Variants in FCRL5 observed in about 807,000 individuals in gnomAD.
The protein encoded by FCRL5 is Fc receptor like 5, also known as Fc receptor-like protein 5.
A neutral mutation model predicts 92.1 loss-of-function variants in FCRL5; 79 were observed. The ratio of observed to expected loss-of-function variants is 0.86; its 90% CI spans 0.72 to 1.03. The LOEUF is 1.03. Ranked by LOEUF, FCRL5 falls within the 50% of genes least tolerant of loss-of-function variation. FCRL5 has a pLI of 0.00. For synonymous variants in FCRL5, 466 were observed against 469.3 expected (o/e 0.99, Z 0.09); for missense variants, 1,160 against 1,181.1 (o/e 0.98, Z 0.26).
chr1:157,534,386 A>C (rs1478429578), intron 8 of FCRL5: 9 of 718,998 alleles, frequency 1.3e-5, no homozygotes, highest in Admixed American at 2.0e-5. Context: ...AAATACAATA[A>C]ATAAATTCAT....
chr1:157,521,115 T>C lies in FCRL5; in HGVS notation c.2417A>G (p.Asn806Ser). The change falls in exon 11 of 17, where the codon AAC becomes AGC. Residue 806 changes from asparagine (N) to serine (S), a missense_variant. Coordinates refer to ENST00000361835, the MANE Select transcript of FCRL5 (RefSeq NM_031281.3). ...AGAGTGCTCTGCAGTCAGAGAGAGG[T>C]TTAAGGACGCTCCTCCAGAGGGGGA... ...RSSPSGGASLNLSLTAEHSGN... is the reference protein window; with the variant it reads ...RSSPSGGASLSLSLTAEHSGN... 1 of 1,613,690 alleles carries C rather than the reference T, an allele frequency of 6.2e-7. No individual in the cohort carries two copies. The highest frequency in any genetic ancestry group is 8.5e-7 in the Non-Finnish European group (1 of 1,179,938).
rs553117255 is a variant in FCRL5, at chr1:157,537,625, C to A, written c.1402+1461G>T. Among the ~76,000 whole-genome samples, 1,038 of 152,262 alleles carry A rather than the reference C, an allele frequency of 6.8e-3. 11 individuals are homozygous for A. The highest frequency in any genetic ancestry group is 0.024 in the African/African-American group (998 of 41,540). On this transcript the variant is annotated intron_variant, in intron 7 of 16. Transcript: ENST00000361835. ...CCACACCCTATTAGTACACTCCCTC[C>A]ACTTTTGAAAATCACTAATAAAAAC...
Position 157,513,558 on chromosome 1 carries a change from G to A in FCRL5, c.*2117C>T, listed in dbSNP as rs933951997. The A allele has an allele frequency of 3.3e-5, 5 of 152,234 alleles. No individual in the cohort carries two copies. Among genetic ancestry groups the A allele is most frequent in the Admixed American group, 2.0e-4 (3 of 15,288 alleles). The allele number at this position is 152,234 out of a possible 1,614,324, so 9.4% of individuals were successfully genotyped here. On this transcript the variant is annotated 3_prime_UTR_variant, in exon 17 of 17. Coordinates refer to ENST00000361835, the MANE Select transcript of FCRL5 (RefSeq NM_031281.3). ...ATTTTTCAGTTTGCGTCTGAAAGCAGAAAAACTTATGTCCCAGCCCAAAGC... is the reference window on the plus strand; with the variant it reads ...ATTTTTCAGTTTGCGTCTGAAAGCAAAAAAACTTATGTCCCAGCCCAAAGC...
chr1:157,540,604 T>C (rs1361797766), intron 6 of FCRL5, among the ~76,000 whole-genome samples: 1 of 152,104 alleles, frequency 6.6e-6, no homozygotes, highest in Admixed American at 6.5e-5. Context: ...TTTCTCCGCC[T>C]TTCTGTAGTC....
intron 7 of FCRL5, among the ~76,000 whole-genome samples, chr1:157,537,148 A>G (rs1466258168): frequency 6.6e-6 from 1 of 152,272 alleles, no homozygotes; most frequent in African/African-American, 2.4e-5. Context: ...CAAGGGAGAT[A>G]ACCTTAAACT....
chr1:157,546,080 C>T (rs1200512917), intron 3 of FCRL5: 2 of 235,688 alleles, frequency 8.5e-6, no homozygotes, highest in Non-Finnish European at 8.7e-6. Flanking sequence ...ATTTATCTAC[C>T]TATGCATTAT....
intron 9 of FCRL5, 118 bp from the exon 10 acceptor site, chr1:157,524,675 T>A (rs1650354640): frequency 4.4e-6 from 5 of 1,141,842 alleles, no homozygotes; most frequent in Non-Finnish European, 6.1e-6. Context: ...GTGACATTAC[T>A]CAAAACTCAG....
chr1:157,533,375 T>G (rs1364653326), intron 8 of FCRL5: 1 of 152,242 alleles, frequency 6.6e-6, no homozygotes, highest in Non-Finnish European at 1.5e-5. Context: ...TGTATTGTTT[T>G]CTCAAATTGG....
In FCRL5 at chr1:157,544,290, G is replaced by A; in HGVS notation, c.816C>T (p.Asp272=). 1 of 1,614,162 alleles carries A rather than the reference G, an allele frequency of 6.2e-7. No individual in the cohort carries two copies. The highest frequency in any genetic ancestry group is 1.7e-5 in the Admixed American group (1 of 60,026). ...AATMPYSVIS[D]SPRSWIQVQI... is the part of the protein sequence containing the mutation. ...GCACCTGTATCCAGGATCTCGGGCT[G>A]TCAGATATGACGCTGTAAGGCATTG... Residue 272 remains aspartate, a synonymous_variant, in exon 5 of 17, where the codon GAC becomes GAT. Coordinates refer to ENST00000361835, the MANE Select transcript of FCRL5 (RefSeq NM_031281.3).
intron 7 of FCRL5, among the ~76,000 whole-genome samples, chr1:157,538,136 C>A (rs1164672773): frequency 6.6e-6 from 1 of 152,194 alleles, no homozygotes; most frequent in African/African-American, 2.4e-5. Flanking sequence ...GTCCCTGTCT[C>A]CACTTTCCTT....
chr1:157,539,456 T>G (rs1434631695), intron 6 of FCRL5, 92 bp from the exon 7 acceptor site: 2 of 1,226,890 alleles, frequency 1.6e-6, no homozygotes, highest in Non-Finnish European at 1.1e-6. Flanking sequence ...CCCAAATCAC[T>G]AAGCCAAAGG....
chr1:157,530,184 C>T (rs1459129928), intron 8 of FCRL5, among the ~76,000 whole-genome samples: 2 of 152,106 alleles, frequency 1.3e-5, no homozygotes, highest in African/African-American at 4.8e-5. Flanking sequence ...ATCACAATAA[C>T]ATACTGGTCT....
rs1651405686 is a variant in FCRL5 at position 157,544,137 on chromosome 1, G to C, written c.844+125C>G. 6.3e-6 allele frequency: 6 copies of C among 956,226 alleles called. No homozygotes were observed. The East Asian group carries it at 7.2e-5, about 11-fold the overall frequency. The allele number at this position is 956,226 out of a possible 1,614,324, so 59.2% of individuals were successfully genotyped here. A position where few individuals can be genotyped will look rare whatever the true frequency, so the allele number is the denominator to read the frequency against. ...CACAAGAGTAGAGGTCTCTTTGCTT[G>C]CACAACTCCCATTCTCACAGGTACG... On this transcript the variant is annotated intron_variant, in intron 5 of 16. Transcript: ENST00000361835.
chr1:157,522,476 C>T (rs1033873509), intron 10 of FCRL5: 4 of 152,122 alleles, frequency 2.6e-5, no homozygotes, highest in East Asian at 1.9e-4. Flanking sequence ...GTCTCTTTTC[C>T]GCAAATAGGG....
chr1:157,544,051 G>GA (rs1262491255), intron 5 of FCRL5, among the ~76,000 whole-genome samples: 1 of 151,930 alleles, frequency 6.6e-6, no homozygotes, highest in African/African-American at 2.4e-5. Context: ...GGCATTGAAA[G>GA]AAAAAAAATT....
intron 1 of FCRL5, among the ~76,000 whole-genome samples, chr1:157,549,922 C>T (rs1651740528): frequency 6.6e-6 from 1 of 151,996 alleles, no homozygotes; most frequent in Admixed American, 6.6e-5. Flanking sequence ...GGCAGAAGGG[C>T]CACTAGCCCA....
In FCRL5 at chr1:157,524,511, C is replaced by A. The variant is rs199994796; in HGVS notation, c.2007G>T (p.Gln669His). 1.3e-5 allele frequency: 21 copies of A among 1,613,550 alleles called. No individual in the cohort carries two copies. The East Asian group carries it at 4.5e-4, about 34-fold the overall frequency. Residue 669 changes from glutamine (Q) to histidine (H), a missense_variant, in exon 10 of 17, where the codon CAG becomes CAT. Gln to His is a conservative substitution (Grantham distance 24, BLOSUM62 0). Transcript: ENST00000361835. ...PILTFRAPRA[Q>H]AVVGDLLELH... is the part of the protein sequence containing the mutation. ...GCTCCAGCAGGTCCCCCACCACAGC[C>A]TGGGCCCTGGGAGCCCTGAAGGTGA... is the stretch of plus-strand genomic sequence containing the variant.
At chr1:157,539,000 T>C in intron 7 of FCRL5, 86 bp downstream of exon 7, 1 of 1,402,500 alleles carries the variant, frequency 7.1e-7, no homozygotes, top group Non-Finnish European at 9.8e-7. Context: ...CAGAGGATAC[T>C]AGAAGGTACA....
intron 3 of FCRL5, 46 bp downstream of exon 3, chr1:157,546,897 G>A: frequency 6.3e-7 from 1 of 1,592,358 alleles, no homozygotes; most frequent in African/African-American, 1.3e-5. Flanking sequence ...GAGAAACATG[G>A]GCTGAATTGA....
Sources: allele counts gnomAD v4.1 joint callset (sites outside exome capture counted in the v4.1 genomes callset), GRCh38; gene constraint gnomAD v4.1.1; transcripts MANE v1.5; gene names NCBI Gene and HGNC (gene_info 2026-07-23, HGNC 2026-07-21).